The following ZXDC variants were observed in gnomAD, a reference collection of about 807,000 sequenced individuals.
ZXDC encodes ZXD family zinc finger C.
ZXDC carries 58 observed loss-of-function variants against 63.6 expected under a neutral mutation model. The ratio of observed to expected loss-of-function variants is 0.91; its 90% CI spans 0.74 to 1.13. ZXDC has a LOEUF of 1.13. Among genes scored for constraint, ZXDC ranks in the 50% most tolerant of loss-of-function variants. The pLI, the probability that ZXDC is intolerant of heterozygous loss-of-function variation, is 0.00. For missense variants in ZXDC, 1,133 were observed against 1,148.9 expected, an observed-to-expected ratio of 0.99 and a Z score of 0.20; for synonymous variants, 561 against 496.1, an observed-to-expected ratio of 1.13 and a Z score of -1.74.
At chr3:126,451,819 A>AATG in intron 7 of ZXDC, 3 of 985,286 alleles carry the variant, frequency 3.0e-6, no homozygotes, top group Non-Finnish European at 3.6e-6. Context: ...CACTCTGGGA[A>AATG]ATGATTTAAC....
chr3:126,440,086 G>C (rs1627637), intron 8 of ZXDC: 1,060,619 of 1,060,622 alleles, frequency 1, 530,308 homozygotes, highest in Middle Eastern at 1. Context: ...TGTGTACCCA[G>C]AGTGCTCTCC....
chr3:126,467,622 T>G (rs1199570380), intron 4 of ZXDC, among the ~76,000 whole-genome samples: 5 of 152,164 alleles, frequency 3.3e-5, no homozygotes, highest in Non-Finnish European at 5.9e-5. Flanking sequence ...CATTTTTCAT[T>G]TTCTAATACA....
At chr3:126,447,340 A>G (rs1292974070) in intron 7 of ZXDC, among the ~76,000 whole-genome samples, 1 of 152,226 alleles carries the variant, frequency 6.6e-6, no homozygotes, top group African/African-American at 2.4e-5. Flanking sequence ...GTCATTATGA[A>G]TAAGGTCAGT....
chr3:126,474,738 G>A lies in ZXDC; in HGVS notation c.907+221C>T, dbSNP rs558273698. Among the ~76,000 whole-genome samples, 3 of 152,380 alleles carry A rather than the reference G, an allele frequency of 2.0e-5. No homozygotes were observed. The East Asian group carries it at 5.8e-4, about 29-fold the overall frequency. On this transcript the variant is annotated intron_variant, in intron 1 of 9. Coordinates refer to ENST00000389709, the MANE Select transcript of ZXDC (RefSeq NM_025112.5). ...TATCTGTTGCCGCCACCTTTGGGAA[G>A]CGCAGCTGTGGTGATCTGCGCTACC... is the stretch of plus-strand genomic sequence containing the variant.
At position 126,472,035 on chromosome 3, in the gene ZXDC, A is replaced by T. The variant is rs1204171297; in HGVS notation, c.1077T>A (p.Ile359=). Residue 359 remains isoleucine (I), a synonymous_variant, in exon 3 of 10, where the codon ATT becomes ATA. Coordinates refer to ENST00000389709, the MANE Select transcript of ZXDC (RefSeq NM_025112.5). ...LRSHTGERPF[I]CDSDSCGWTF... Reference sequence around the variant, plus strand: ...TCCAGCCACAGCTGTCAGAGTCACAAATAAATGGTCTTTCACCTTATAAAA... The same window carrying T: ...TCCAGCCACAGCTGTCAGAGTCACATATAAATGGTCTTTCACCTTATAAAA... 2 of 1,613,686 alleles carry T rather than the reference A, an allele frequency of 1.2e-6. No homozygotes were observed. The highest frequency in any genetic ancestry group is 1.7e-6 in the Non-Finnish European group (2 of 1,179,902).
chr3:126,440,566 C>T (rs965764961), intron 8 of ZXDC: 8 of 985,970 alleles, frequency 8.1e-6, no homozygotes, highest in Non-Finnish European at 9.6e-6. Flanking sequence ...ATTGCCAAGC[C>T]TCTGGTCCTG....
At chr3:126,440,311 G>A (rs1156980224) in intron 8 of ZXDC, 3 of 988,504 alleles carry the variant, frequency 3.0e-6, no homozygotes, top group Non-Finnish European at 3.6e-6. Flanking sequence ...GGAGCTCCTG[G>A]TGCTGCTGCT....
Position 126,475,367 on chromosome 3 carries a change from C to T in ZXDC, c.499G>A (p.Ala167Thr). 1 of 1,271,560 alleles carries T rather than the reference C, an allele frequency of 7.9e-7. No individual in the cohort carries two copies. The highest frequency in any genetic ancestry group is 9.9e-7 in the Non-Finnish European group (1 of 1,007,292). 78.8% of individuals were successfully genotyped at this position (1,271,560 alleles called of 1,614,324 possible). ...GAAAPRRAPQ[A>T]SGPSTPGYRC... ...TAGCCGGGCGTGCTGGGGCCGGAGG[C>T]CTGGGGCGCGCGGCGGGGAGCGGCG... The change falls in exon 1 of 10, where the codon GCC becomes ACC. Residue 167 changes from alanine to threonine, a missense_variant. Coordinates refer to ENST00000389709, the MANE Select transcript of ZXDC (RefSeq NM_025112.5).
intron 7 of ZXDC, among the ~76,000 whole-genome samples, chr3:126,455,849 A>C (rs559500135): frequency 6.5e-4 from 99 of 152,146 alleles, no homozygotes; most frequent in Non-Finnish European, 1.2e-3. Context: ...ATACAAAAAA[A>C]AAAAATTAGC....
chr3:126,467,199 G>C (rs1934806406), intron 4 of ZXDC, among the ~76,000 whole-genome samples: 1 of 152,176 alleles, frequency 6.6e-6, no homozygotes. Context: ...CTGCAGCAGA[G>C]CAGATGGTGC....
At chr3:126,451,578 A>C in intron 7 of ZXDC, 1 of 985,470 alleles carries the variant, frequency 1.0e-6, no homozygotes, top group Non-Finnish European at 1.2e-6. Context: ...CTGAGAAAGC[A>C]CAAGGACGCG....
rs112150518 is a variant in ZXDC, at chr3:126,472,751, C to T, written c.908-446G>A. On this transcript the variant is annotated intron_variant, in intron 1 of 9. Coordinates refer to ENST00000389709, the MANE Select transcript of ZXDC (RefSeq NM_025112.5). ...TTTTCACCCCTTGGGGGTGATGCTG[C>T]ATCCTCTACATATCCAAATTTCCTC... 3.3e-5 allele frequency among the ~76,000 whole-genome samples: 5 copies of T among 152,312 alleles called. 1 individual carries two copies. The highest frequency in any genetic ancestry group is 1.2e-4 in the African/African-American group (5 of 41,560).
At chr3:126,474,062 C>CT (rs796761643) in intron 1 of ZXDC, among the ~76,000 whole-genome samples, 8,433 of 129,806 alleles carry the variant, frequency 0.065, 879 homozygotes, top group African/African-American at 0.22. Context: ...AGGCAGTGGA[C>CT]TTTTTTTTTT....
chr3:126,460,760 T>C (rs564371487), intron 6 of ZXDC: 4 of 985,436 alleles, frequency 4.1e-6, no homozygotes, highest in Non-Finnish European at 2.4e-6. Flanking sequence ...GGTGGCTCCA[T>C]GGAGCCTCAG....
chr3:126,473,966 G>A (rs999662395), intron 1 of ZXDC, among the ~76,000 whole-genome samples: 1 of 152,136 alleles, frequency 6.6e-6, no homozygotes, highest in East Asian at 1.9e-4. Context: ...GTGAAAGCAG[G>A]GAAAGCTGCC....
intron 7 of ZXDC, among the ~76,000 whole-genome samples, chr3:126,448,204 ATGTTAGC>A (rs1560091692): frequency 6.6e-6 from 1 of 152,232 alleles, no homozygotes; most frequent in Non-Finnish European, 1.5e-5. Flanking sequence ...GAACCAGGGT[ATGTTAGC>A]TTTATACATT....
chr3:126,463,316 G>A (rs755763891), intron 5 of ZXDC, among the ~76,000 whole-genome samples: 30 of 152,218 alleles, frequency 2.0e-4, no homozygotes, highest in East Asian at 1.9e-4. Flanking sequence ...TGATCGGCCC[G>A]CCTGGGCCTC....
chr3:126,468,077 C>G (rs1934844186), intron 4 of ZXDC, among the ~76,000 whole-genome samples: 1 of 152,148 alleles, frequency 6.6e-6, no homozygotes, highest in Non-Finnish European at 1.5e-5. Context: ...TGTTTCCATT[C>G]TTTACAAATC....
At chr3:126,451,660 T>G (rs971665810) in intron 7 of ZXDC, 1 of 985,252 alleles carries the variant, frequency 1.0e-6, no homozygotes, top group Non-Finnish European at 1.2e-6. Context: ...CTCAGTCAGA[T>G]CTACCAATGT....
Sources: allele counts gnomAD v4.1 joint callset (sites outside exome capture counted in the v4.1 genomes callset), GRCh38; gene constraint gnomAD v4.1.1; transcripts MANE v1.5; gene names NCBI Gene and HGNC (gene_info 2026-07-23, HGNC 2026-07-21).